MYOT: variants seen among roughly 807,000 people sequenced by gnomAD.
MYOT encodes myotilin, also known as 57 kDa cytoskeletal protein.
A neutral mutation model predicts 58.0 loss-of-function variants in MYOT; 36 were observed. That is an observed-to-expected ratio of 0.62 (90% CI 0.48 to 0.82). The LOEUF (loss-of-function observed/expected upper bound fraction) is 0.82. MYOT is among the 40% of genes least tolerant of loss of function. The probability of loss-of-function intolerance (pLI) is 0.00; values close to 1 mark genes in which losing one functional copy is unlikely to be tolerated. For synonymous variants in MYOT, 218 were observed against 204.6 expected, an observed-to-expected ratio of 1.07 and a Z score of -0.56; for missense variants, 505 against 592.1, an observed-to-expected ratio of 0.85 and a Z score of 1.53.
intron 3 of MYOT, 35 bp downstream of exon 3, chr5:137,876,038 T>A (rs1755202880): frequency 1.9e-6 from 3 of 1,605,330 alleles, no homozygotes; most frequent in South Asian, 1.1e-5. Context: ...AAAAGGCCAA[T>A]TAAACTATAA....
chr5:137,880,057 A>G (rs1387067207), intron 4 of MYOT, among the ~76,000 whole-genome samples: 2 of 152,214 alleles, frequency 1.3e-5, no homozygotes, highest in African/African-American at 4.8e-5. Flanking sequence ...GTGTGCTCCT[A>G]CAGAGCTTTG....
intron 4 of MYOT, chr5:137,880,580 C>A: frequency 7.0e-6 from 3 of 427,036 alleles, no homozygotes; most frequent in South Asian, 6.4e-5. Context: ...CCAAGTCTAG[C>A]TAATTTTCAT....
chr5:137,881,831 G>A (rs1037788579), intron 5 of MYOT, 142 bp from the exon 6 acceptor site: 2 of 828,546 alleles, frequency 2.4e-6, no homozygotes, highest in African/African-American at 3.4e-5. Flanking sequence ...TGAGTGAGCT[G>A]AGATTGGGCC....
At chr5:137,883,220 C>CAA in intron 6 of MYOT, 164 bp from the exon 7 acceptor site, 1 of 636,286 alleles carries the variant, frequency 1.6e-6, no homozygotes, top group South Asian at 1.9e-5. Context: ...ATCTTATTTC[C>CAA]AATGTTTTGT....
chr5:137,886,147 T>C lies in MYOT; in HGVS notation c.1124T>C (p.Ile375Thr). ...AAACTAGAATGCCAGATCTCGGCTA[T>C]ACCTCCACCAAAGCTTTTCTGGAAA... ...SVKLECQISA[I>T]PPPKLFWKRN... The change falls in exon 8 of 10, where the codon ATA (isoleucine) becomes ACA (threonine). Residue 375 changes from isoleucine (I) to threonine (T), a missense_variant. By Grantham distance (89) the Ile-to-Thr change is moderately conservative (BLOSUM62 -1). Transcript: ENST00000239926. 4.3e-6 allele frequency: 7 copies of C among 1,612,450 alleles called. No homozygotes were observed. Among genetic ancestry groups the C allele is most frequent in the Non-Finnish European group, 5.9e-6 (7 of 1,178,726 alleles).
At chr5:137,881,893 T>C in intron 5 of MYOT, 80 bp from the exon 6 acceptor site, 10 of 1,465,682 alleles carry the variant, frequency 6.8e-6, no homozygotes, top group East Asian at 2.3e-5. Flanking sequence ...AAAAAAAAAA[T>C]TGATGGCTAA....
At position 137,871,010 on chromosome 5, in the gene MYOT, A is replaced by T. The variant is rs1371713565; in HGVS notation, c.356+3A>T. ...ATCCCTTCCGCTATGGATTCCAAGT[A>T]AGTGAATTTTTATATACCGCATGTA... is the stretch of plus-strand genomic sequence containing the variant. On this transcript the variant is annotated splice_donor_region_variant and intron_variant, in intron 2 of 9. Coordinates refer to ENST00000239926, the MANE Select transcript of MYOT (RefSeq NM_006790.3). 2 of 1,610,988 alleles carry T rather than the reference A, an allele frequency of 1.2e-6. No homozygotes were observed.
chr5:137,876,082 G>C, intron 3 of MYOT, 79 bp downstream of exon 3: 1 of 1,419,270 alleles, frequency 7.0e-7, no homozygotes, highest in South Asian at 1.2e-5. Flanking sequence ...CTAGCTCACA[G>C]ATCTAGGTCC....
At position 137,880,840 on chromosome 5, in the gene MYOT, C is replaced by T. The variant is rs769674891; in HGVS notation, c.658C>T (p.Leu220=). ...SQQHNSEHAR[L]QVPTSQVRSR... ...GCAACACAACTCAGAACATGCGCGACTGCAAGTTCCTACATCACAAGTAAG... is the reference window on the plus strand; with the variant it reads ...GCAACACAACTCAGAACATGCGCGATTGCAAGTTCCTACATCACAAGTAAG... The change falls in exon 5 of 10, where the codon CTG becomes TTG. Residue 220 remains leucine, a synonymous_variant. Coordinates refer to ENST00000239926, the MANE Select transcript of MYOT (RefSeq NM_006790.3). The T allele has an allele frequency of 6.2e-7, 1 of 1,612,258 alleles. No homozygotes were observed. Among genetic ancestry groups the T allele is most frequent in the Non-Finnish European group, 8.5e-7 (1 of 1,178,516 alleles).
intron 7 of MYOT, among the ~76,000 whole-genome samples, chr5:137,883,825 T>C (rs1755514426): frequency 6.6e-6 from 1 of 152,174 alleles, no homozygotes; most frequent in Non-Finnish European, 1.5e-5. Flanking sequence ...ATGACAGATC[T>C]ATCACCAAAG....
chr5:137,874,328 A>G (rs1457835882), intron 2 of MYOT, among the ~76,000 whole-genome samples: 1 of 152,114 alleles, frequency 6.6e-6, no homozygotes, highest in Non-Finnish European at 1.5e-5. Context: ...TTAGCTGAGC[A>G]TGGTGGCGGG....
chr5:137,878,465 T>G (rs767357137), intron 4 of MYOT, among the ~76,000 whole-genome samples: 1 of 151,912 alleles, frequency 6.6e-6, no homozygotes, highest in Non-Finnish European at 1.5e-5. Flanking sequence ...GCTAGGATTA[T>G]AGGCATGAGC....
chr5:137,882,141 A>T lies in MYOT; in HGVS notation c.816+36A>T, dbSNP rs74511183. 2.1e-3 allele frequency: 3,434 copies of T among 1,610,124 alleles called. 61 individuals are homozygous for T. The African/African-American group carries it at 0.041, about 19-fold the overall frequency. On this transcript the variant is annotated intron_variant, in intron 6 of 9. Transcript: ENST00000239926. ...GGTTCAAAAGTACTGGGGGAAAATT[A>T]ACAATGGGATACTAAGTTTTGAAAA...
chr5:137,876,094 T>C (rs1755204708), intron 3 of MYOT, 91 bp downstream of exon 3: 5 of 1,293,712 alleles, frequency 3.9e-6, no homozygotes, highest in Non-Finnish European at 5.5e-6. Context: ...TCTAGGTCCA[T>C]ATATCAACAA....
intron 1 of MYOT, among the ~76,000 whole-genome samples, chr5:137,869,166 G>C (rs903599845): frequency 2.0e-5 from 3 of 152,110 alleles, no homozygotes; most frequent in Non-Finnish European, 4.4e-5. Context: ...ATAATTAGAA[G>C]ACTTCGTTTC....
In MYOT at chr5:137,882,041, G is replaced by T. The variant is rs1477747475; in HGVS notation, c.752G>T (p.Arg251Leu). The T allele has an allele frequency of 1.2e-6, 2 of 1,613,960 alleles. No individual in the cohort carries two copies. The highest frequency in any genetic ancestry group is 1.7e-6 in the Non-Finnish European group (2 of 1,179,958). Residue 251 changes from arginine to leucine, a missense_variant, in exon 6 of 10, where the codon CGT (arginine) becomes CTT (leucine). Physicochemically the swap from Arg to Leu is moderately radical, Grantham distance 102. Transcript: ENST00000239926. ...DAIQEKFYPP[R>L]FIQVPENMSI... ...ATCCAGGAGAAATTTTACCCACCAC[G>T]TTTCATTCAAGTGCCAGAGAACATG...
At position 137,886,142 on chromosome 5, in the gene MYOT, G is replaced by C; in HGVS notation, c.1119G>C (p.Ser373=). The C allele has an allele frequency of 6.2e-7, 1 of 1,612,120 alleles. No individual in the cohort carries two copies. Among genetic ancestry groups the C allele is most frequent in the Non-Finnish European group, 8.5e-7 (1 of 1,178,616 alleles). The change falls in exon 8 of 10, where the codon TCG becomes TCC. Residue 373 remains serine, a synonymous_variant. Transcript: ENST00000239926. ...CAGTGAAACTAGAATGCCAGATCTCGGCTATACCTCCACCAAAGCTTTTCT... is the reference window on the plus strand; with the variant it reads ...CAGTGAAACTAGAATGCCAGATCTCCGCTATACCTCCACCAAAGCTTTTCT... ...GDSVKLECQI[S]AIPPPKLFWK...
At chr5:137,875,480 C>A (rs1314086997) in intron 2 of MYOT, among the ~76,000 whole-genome samples, 1 of 152,028 alleles carries the variant, frequency 6.6e-6, no homozygotes, top group African/African-American at 2.4e-5. Flanking sequence ...CATGTACTCC[C>A]AGAATCTAAA....
At chr5:137,869,351 G>A (rs1037244089) in intron 1 of MYOT, among the ~76,000 whole-genome samples, 2 of 152,178 alleles carry the variant, frequency 1.3e-5, no homozygotes, top group Admixed American at 6.5e-5. Flanking sequence ...TAGTCTTTGT[G>A]TGTAATGTCT....
Sources: allele counts gnomAD v4.1 joint callset (sites outside exome capture counted in the v4.1 genomes callset), GRCh38; gene constraint gnomAD v4.1.1; transcripts MANE v1.5; gene names NCBI Gene and HGNC (gene_info 2026-07-23, HGNC 2026-07-21).